ARHGAP24: variants seen among roughly 807,000 people sequenced by gnomAD.
The protein encoded by ARHGAP24 is rho GTPase-activating protein 24.
In ARHGAP24, 50 loss-of-function variants were observed where a neutral mutation model predicts 76.4. The ratio of observed to expected loss-of-function variants is 0.65; its 90% CI spans 0.52 to 0.83. The LOEUF is 0.83. Among genes scored for constraint, ARHGAP24 ranks in the 40% least tolerant of loss-of-function variants. ARHGAP24 has a pLI of 0.00. For missense variants in ARHGAP24, 930 were observed against 914.2 expected, an observed-to-expected ratio of 1.02 and a Z score of -0.22; for synonymous variants, 345 against 323.3, an observed-to-expected ratio of 1.07 and a Z score of -0.72.
At chr4:85,945,142 G>T (rs577759435) in intron 5 of ARHGAP24, among the ~76,000 whole-genome samples, 1 of 151,936 alleles carries the variant, frequency 6.6e-6, no homozygotes, top group African/African-American at 2.4e-5. Context: ...CACCGCACCC[G>T]ACCTTTTTTC....
intron 2 of ARHGAP24, among the ~76,000 whole-genome samples, chr4:85,720,258 T>TATA (rs36119786): frequency 4.8e-4 from 72 of 151,126 alleles, no homozygotes; most frequent in Admixed American, 4.6e-4. Flanking sequence ...GAACTTAAAG[T>TATA]ATAATAATAA....
intron 2 of ARHGAP24, among the ~76,000 whole-genome samples, chr4:85,679,431 T>G (rs1485440315): frequency 6.6e-6 from 1 of 152,158 alleles, no homozygotes; most frequent in Non-Finnish European, 1.5e-5. Context: ...AGGAAGTGTA[T>G]TTTGGGGTGA....
At chr4:85,602,218 G>C (rs1333179107) in intron 2 of ARHGAP24, among the ~76,000 whole-genome samples, 1 of 152,134 alleles carries the variant, frequency 6.6e-6, no homozygotes, top group Non-Finnish European at 1.5e-5. Flanking sequence ...GTATTTGAAG[G>C]GAAAAATTTG....
At chr4:85,981,628 G>T (rs1022286753) in intron 8 of ARHGAP24, among the ~76,000 whole-genome samples, 16 of 152,012 alleles carry the variant, frequency 1.1e-4, no homozygotes, top group African/African-American at 3.6e-4. Context: ...AGATGTCCTG[G>T]CTTTATTGCC....
At chr4:85,545,275 T>C (rs1413080025) in intron 1 of ARHGAP24, among the ~76,000 whole-genome samples, 2 of 152,054 alleles carry the variant, frequency 1.3e-5, no homozygotes, top group Non-Finnish European at 2.9e-5. Context: ...AATTTTTGTA[T>C]TTTTAGTAGA....
intron 9 of ARHGAP24, among the ~76,000 whole-genome samples, chr4:85,998,285 C>T (rs1740799782): frequency 6.6e-6 from 1 of 152,084 alleles, no homozygotes; most frequent in Non-Finnish European, 1.5e-5. Flanking sequence ...TGGAGTTGTT[C>T]ATATCTCCCT....
At chr4:85,532,852 G>A (rs1725324440) in intron 1 of ARHGAP24, among the ~76,000 whole-genome samples, 1 of 152,078 alleles carries the variant, frequency 6.6e-6, no homozygotes, top group Admixed American at 6.6e-5. Context: ...ACTGCTTTTT[G>A]TCAGTGATGG....
At chr4:85,755,819 G>A (rs1200894147) in intron 3 of ARHGAP24, among the ~76,000 whole-genome samples, 1 of 151,840 alleles carries the variant, frequency 6.6e-6, no homozygotes, top group African/African-American at 2.4e-5. Flanking sequence ...TTTTAGTAGA[G>A]ACGGGGTTTC....
At chr4:85,731,488 A>G (rs1725407778) in intron 3 of ARHGAP24, among the ~76,000 whole-genome samples, 2 of 152,232 alleles carry the variant, frequency 1.3e-5, no homozygotes. Context: ...TTTATCATCT[A>G]TGGATTGATC....
chr4:85,874,687 T>C (rs11721455), intron 3 of ARHGAP24, among the ~76,000 whole-genome samples: 13,005 of 147,706 alleles, frequency 0.088, 674 homozygotes, highest in Middle Eastern at 0.13. Context: ...GCAGGAGATA[T>C]TGTATTTAAA....
At chr4:85,841,018 A>T (rs1213610726) in intron 3 of ARHGAP24, among the ~76,000 whole-genome samples, 1 of 152,218 alleles carries the variant, frequency 6.6e-6, no homozygotes, top group African/African-American at 2.4e-5. Flanking sequence ...CTGTTAGAGA[A>T]ACCATAGAGA....
chr4:85,964,944 C>A (rs1334246899), intron 5 of ARHGAP24, among the ~76,000 whole-genome samples: 1 of 151,950 alleles, frequency 6.6e-6, no homozygotes, highest in East Asian at 1.9e-4. Context: ...GTCAAATATT[C>A]TTTGTACATG....
At chr4:85,923,441 T>G (rs1735842826) in intron 3 of ARHGAP24, among the ~76,000 whole-genome samples, 1 of 152,222 alleles carries the variant, frequency 6.6e-6, no homozygotes, top group African/African-American at 2.4e-5. Flanking sequence ...ATGACATTTG[T>G]TCTCCAGCTT....
At chr4:85,848,964 T>C (rs1376067789) in intron 3 of ARHGAP24, among the ~76,000 whole-genome samples, 1 of 151,986 alleles carries the variant, frequency 6.6e-6, no homozygotes, top group Non-Finnish European at 1.5e-5. Flanking sequence ...TTTAAAGTAG[T>C]TTTTTCCAAT....
intron 3 of ARHGAP24, among the ~76,000 whole-genome samples, chr4:85,749,856 C>T (rs545968163): frequency 5.3e-5 from 8 of 152,216 alleles, no homozygotes; most frequent in East Asian, 1.9e-4. Flanking sequence ...CGTGAGCCAC[C>T]GTGCCTGGCC....
Position 85,823,206 on chromosome 4 carries a change from C to G in ARHGAP24, c.269-100442C>G, listed in dbSNP as rs557919224. Among the ~76,000 whole-genome samples, 13 of 152,136 alleles carry G rather than the reference C, an allele frequency of 8.5e-5. No individual in the cohort carries two copies. The East Asian group carries it at 2.5e-3, about 29-fold the overall frequency. On this transcript the variant is annotated intron_variant, in intron 3 of 9. Coordinates refer to ENST00000395184, the MANE Select transcript of ARHGAP24 (RefSeq NM_001025616.3). ...AATAAAATTGCTGTAATTTCACTAC[C>G]TAGAGATAAAAACTATTAACATCAT...
At chr4:85,727,882 C>T (rs989423929) in intron 3 of ARHGAP24, among the ~76,000 whole-genome samples, 1 of 151,766 alleles carries the variant, frequency 6.6e-6, no homozygotes, top group African/African-American at 2.4e-5. Context: ...TTCCTTCCTC[C>T]AGGGAAAGAA....
At chr4:85,867,539 C>G (rs1732263604) in intron 3 of ARHGAP24, among the ~76,000 whole-genome samples, 1 of 151,952 alleles carries the variant, frequency 6.6e-6, no homozygotes, top group Non-Finnish European at 1.5e-5. Flanking sequence ...TTATTTTTAG[C>G]TGGGACATCC....
intron 5 of ARHGAP24, among the ~76,000 whole-genome samples, chr4:85,958,462 A>G (rs1266266891): frequency 6.6e-6 from 1 of 152,168 alleles, no homozygotes; most frequent in Non-Finnish European, 1.5e-5. Flanking sequence ...AGAGACTAGT[A>G]TTTCACCAGA....
Sources: gnomAD v4.1 joint callset for allele counts (sites outside exome capture counted in the v4.1 genomes callset) on GRCh38, gnomAD v4.1.1 for gene constraint, MANE v1.5 for transcripts, NCBI Gene and HGNC (gene_info 2026-07-23, HGNC 2026-07-21) for gene names.